The following PHLDB2 variants were observed in gnomAD, a reference collection of about 807,000 sequenced individuals.
PHLDB2 encodes pleckstrin homology-like domain family B member 2.
PHLDB2 carries 71 observed loss-of-function variants against 123.6 expected under a neutral mutation model. The ratio of observed to expected loss-of-function variants is 0.57; its 90% CI spans 0.47 to 0.70. The LOEUF (loss-of-function observed/expected upper bound fraction) is 0.70, where lower values mean the gene tolerates loss of function less well. PHLDB2 is among the 30% of genes least tolerant of loss of function. The pLI is 0.00. For synonymous variants in PHLDB2, 547 were observed against 541.6 expected, an observed-to-expected ratio of 1.01 and a Z score of -0.14; for missense variants, 1,446 against 1,519.5, an observed-to-expected ratio of 0.95 and a Z score of 0.80.
intron 2 of PHLDB2, among the ~76,000 whole-genome samples, chr3:111,888,533 T>A (rs377763163): frequency 3.9e-5 from 6 of 152,094 alleles, no homozygotes; most frequent in African/African-American, 1.4e-4. Context: ...CTCAAATCAT[T>A]CAAAAATGAA....
rs1015141473 is a variant in PHLDB2 at position 111,966,689 on chromosome 3, C to A, written c.3154C>A (p.Leu1052Met). 1.9e-6 allele frequency: 3 copies of A among 1,612,732 alleles called. No individual in the cohort carries two copies. In the African/African-American group the frequency reaches 4.0e-5, roughly 22 times the overall value. ...GCAGGCTCATGCAGAAAAGACGCGG[C>A]TGCTCGAATCCAGGGTAAGCTTCAT... is the stretch of plus-strand genomic sequence containing the variant. ...LKQAHAEKTR[L>M]LESREREMEA... The change falls in exon 14 of 18, where the codon CTG becomes ATG. Residue 1052 changes from leucine (L) to methionine (M), a missense_variant. Coordinates refer to ENST00000431670, the MANE Select transcript of PHLDB2 (RefSeq NM_001134438.2).
At chr3:111,930,380 T>C (rs1043940569) in intron 5 of PHLDB2, among the ~76,000 whole-genome samples, 1 of 143,444 alleles carries the variant, frequency 7.0e-6, no homozygotes. Context: ...TAGGGCTTTA[T>C]ACATGTGCTA....
At chr3:111,739,482 A>G (rs2059561499) in intron 1 of PHLDB2, among the ~76,000 whole-genome samples, 1 of 151,102 alleles carries the variant, frequency 6.6e-6, no homozygotes, top group Admixed American at 6.6e-5. Flanking sequence ...AGTGAGTCAG[A>G]TGGAACTGTG....
chr3:111,756,472 C>T (rs1178121370), intron 1 of PHLDB2, among the ~76,000 whole-genome samples: 2 of 151,964 alleles, frequency 1.3e-5, no homozygotes, highest in Admixed American at 6.6e-5. Flanking sequence ...GATTGCAACC[C>T]CTGCCTTTTT....
chr3:111,740,968 A>G (rs1387746037), intron 1 of PHLDB2, among the ~76,000 whole-genome samples: 1 of 152,094 alleles, frequency 6.6e-6, no homozygotes, highest in Non-Finnish European at 1.5e-5. Context: ...AGAAATATGA[A>G]CAATGATGAC....
At chr3:111,921,812 C>T (rs139994735) in intron 5 of PHLDB2, among the ~76,000 whole-genome samples, 4,252 of 152,254 alleles carry the variant, frequency 0.028, 128 homozygotes, top group South Asian at 0.13. Context: ...CCATGTTAGC[C>T]AGGATGGTCT....
At chr3:111,800,383 C>T (rs1457007524) in intron 1 of PHLDB2, among the ~76,000 whole-genome samples, 1 of 152,156 alleles carries the variant, frequency 6.6e-6, no homozygotes, top group Non-Finnish European at 1.5e-5. Context: ...TTTATACCCT[C>T]TGTGCCTTTT....
At chr3:111,830,955 G>GAGAGAGAGAGAGAAAGAA (rs1553736315) in intron 1 of PHLDB2, among the ~76,000 whole-genome samples, 43 of 63,688 alleles carry the variant, frequency 6.8e-4, no homozygotes, top group Non-Finnish European at 8.5e-4. Context: ...AAGAAAGAAA[G>GAGAGAGAGAGAGAAAGAA]AGAAAGAAAG....
chr3:111,963,622 G>A (rs1382429053), intron 13 of PHLDB2, among the ~76,000 whole-genome samples: 1 of 152,068 alleles, frequency 6.6e-6, no homozygotes, highest in Non-Finnish European at 1.5e-5. Context: ...AAAGTGAAGG[G>A]CAAATGTACC....
chr3:111,786,562 C>CTA (rs1195594885), intron 1 of PHLDB2, among the ~76,000 whole-genome samples: 1 of 152,072 alleles, frequency 6.6e-6, no homozygotes, highest in African/African-American at 2.4e-5. Context: ...TAGTAAATAA[C>CTA]TATTGTTACT....
chr3:111,755,096 A>G (rs796609427), intron 1 of PHLDB2, among the ~76,000 whole-genome samples: 230 of 151,344 alleles, frequency 1.5e-3, no homozygotes, highest in South Asian at 6.9e-3. Context: ...CATCAAGGAT[A>G]TTGGTCTAAA....
chr3:111,959,037 C>A (rs1182267160), intron 12 of PHLDB2, among the ~76,000 whole-genome samples: 1 of 152,258 alleles, frequency 6.6e-6, no homozygotes, highest in Non-Finnish European at 1.5e-5. Flanking sequence ...GAGTGGAGGC[C>A]TAGGCCAGTT....
intron 14 of PHLDB2, 47 bp from the exon 15 acceptor site, chr3:111,967,631 T>G (rs1342232257): frequency 1.3e-6 from 2 of 1,543,410 alleles, no homozygotes; most frequent in Non-Finnish European, 1.7e-6. Flanking sequence ...ACCATTCAAG[T>G]ATAACCAGTA....
Position 111,974,988 on chromosome 3 carries a change from A to AT in PHLDB2, c.*429dup, listed in dbSNP as rs2072448426. ...ACTGGCTTTTTTTAAAAAAGGTAGC[A>AT]TTTTGTTGACAGTTATTTTGTAAAC... On this transcript the variant is annotated 3_prime_UTR_variant, in exon 18 of 18. Coordinates refer to ENST00000431670, the MANE Select transcript of PHLDB2 (RefSeq NM_001134438.2). The AT allele has an allele frequency of 6.5e-6, 1 of 152,730 alleles. No homozygotes were observed. Among genetic ancestry groups the AT allele is most frequent in the Admixed American group, 6.5e-5 (1 of 15,278 alleles). The allele number at this position is 152,730 out of a possible 1,614,324, so 9.5% of individuals were successfully genotyped here. A position where few individuals can be genotyped will look rare whatever the true frequency, so the allele number is the denominator to read the frequency against.
chr3:111,761,183 CA>C (rs60999461), intron 1 of PHLDB2, among the ~76,000 whole-genome samples: 31,388 of 110,946 alleles, frequency 0.28, 3,990 homozygotes, highest in East Asian at 0.54. Context: ...GACTCCATCT[CA>C]AAAAAAAAAA....
At chr3:111,772,748 C>G (rs1426553135) in intron 1 of PHLDB2, among the ~76,000 whole-genome samples, 1 of 152,172 alleles carries the variant, frequency 6.6e-6, no homozygotes, top group African/African-American at 2.4e-5. Context: ...TTAGCTATAC[C>G]TATAGAGCTT....
intron 1 of PHLDB2, among the ~76,000 whole-genome samples, chr3:111,787,874 T>C (rs544911756): frequency 4.6e-5 from 7 of 152,344 alleles, no homozygotes; most frequent in South Asian, 4.1e-4. Context: ...AATTTTTTTC[T>C]ACAGTTTTTA....
chr3:111,793,261 C>T (rs1248499701), intron 1 of PHLDB2, among the ~76,000 whole-genome samples: 11 of 152,140 alleles, frequency 7.2e-5, no homozygotes, highest in African/African-American at 2.4e-4. Flanking sequence ...ACAGTCATTC[C>T]TACTCTTCCC....
At chr3:111,789,270 T>C (rs1030471605) in intron 1 of PHLDB2, among the ~76,000 whole-genome samples, 8 of 152,216 alleles carry the variant, frequency 5.3e-5, no homozygotes, top group Admixed American at 4.6e-4. Flanking sequence ...TAGACTCCAA[T>C]AGAACTCCTT....
Sources: allele counts gnomAD v4.1 joint callset (sites outside exome capture counted in the v4.1 genomes callset), GRCh38; gene constraint gnomAD v4.1.1; transcripts MANE v1.5; gene names NCBI Gene and HGNC (gene_info 2026-07-23, HGNC 2026-07-21).